The following GLIS3 variants were observed in gnomAD, a reference collection of about 807,000 sequenced individuals.
GLIS3 encodes zinc finger protein GLIS3.
Under a neutral mutation model 78.6 loss-of-function variants are expected in GLIS3, and 53 were observed. The ratio of observed to expected loss-of-function variants is 0.67; its 90% CI spans 0.54 to 0.85. The LOEUF (loss-of-function observed/expected upper bound fraction) is 0.85. Ranked by LOEUF, GLIS3 falls within the 40% of genes least tolerant of loss-of-function variation. The pLI, the probability that GLIS3 is intolerant of heterozygous loss-of-function variation, is 0.00. For synonymous variants in GLIS3, 684 were observed against 509.9 expected (o/e 1.34, Z -4.60); for missense variants, 1,703 against 1,231.1 (o/e 1.38, Z -5.74).
At chr9:3,980,681 A>C (rs965661236) in intron 4 of GLIS3, among the ~76,000 whole-genome samples, 14 of 152,170 alleles carry the variant, frequency 9.2e-5, no homozygotes, top group African/African-American at 3.1e-4. Flanking sequence ...ATTTCTTTTC[A>C]AAAAGTGCAG....
At chr9:3,917,659 G>A (rs1824611195) in intron 6 of GLIS3, among the ~76,000 whole-genome samples, 1 of 151,060 alleles carries the variant, frequency 6.6e-6, no homozygotes, top group Admixed American at 6.6e-5. Flanking sequence ...TCATCTATTG[G>A]TTTCAAGTTA....
chr9:4,394,146 G>C, the GLIS3 span, among the ~76,000 whole-genome samples: 1 of 150,480 alleles, frequency 6.6e-6, no homozygotes, highest in Non-Finnish European at 1.5e-5. Flanking sequence ...TGACCCCCTT[G>C]ATTGCTAACC....
At chr9:4,137,255 G>C (rs988582375) in intron 2 of GLIS3, among the ~76,000 whole-genome samples, 3 of 152,132 alleles carry the variant, frequency 2.0e-5, no homozygotes, top group African/African-American at 7.2e-5. Context: ...CCAATAAATA[G>C]GTCAAATCTG....
chr9:4,408,948 T>C, the GLIS3 span, among the ~76,000 whole-genome samples: 4 of 152,004 alleles, frequency 2.6e-5, no homozygotes, highest in East Asian at 3.9e-4. Context: ...ATATCTCATA[T>C]ACCCCACACA....
At chr9:4,337,913 A>G (rs1817776219) in intron 2 of GLIS3, among the ~76,000 whole-genome samples, 1 of 151,946 alleles carries the variant, frequency 6.6e-6, no homozygotes, top group South Asian at 2.1e-4. Context: ...AGATGAAAAT[A>G]TTTGCCCCAA....
chr9:3,869,396 G>A (rs758550160), intron 8 of GLIS3, among the ~76,000 whole-genome samples: 17 of 152,104 alleles, frequency 1.1e-4, no homozygotes, highest in African/African-American at 4.1e-4. Flanking sequence ...TTGTTCAGAC[G>A]CTACATATAC....
chr9:4,097,208 C>G (rs76472094), intron 4 of GLIS3, among the ~76,000 whole-genome samples: 2 of 152,006 alleles, frequency 1.3e-5, no homozygotes, highest in African/African-American at 4.8e-5. Context: ...CTGCCTGCCA[C>G]CAGAAGCCAC....
the GLIS3 span, among the ~76,000 whole-genome samples, chr9:4,417,590 C>T: frequency 5.9e-3 from 901 of 152,300 alleles, 5 homozygotes; most frequent in South Asian, 0.019. Flanking sequence ...CATTCCTATA[C>T]ATGCAATTTG....
chr9:4,389,165 C>T, the GLIS3 span, among the ~76,000 whole-genome samples: 2 of 152,180 alleles, frequency 1.3e-5, no homozygotes, highest in African/African-American at 4.8e-5. Context: ...AACCCTGTGA[C>T]ATAGGTATTA....
At chr9:4,191,359 T>C (rs1818319108) in intron 2 of GLIS3, among the ~76,000 whole-genome samples, 1 of 152,170 alleles carries the variant, frequency 6.6e-6, no homozygotes, top group Non-Finnish European at 1.5e-5. Context: ...TGAAATAAGA[T>C]TCCAGTTTCA....
At chr9:4,313,372 C>G (rs1056143029) in intron 2 of GLIS3, among the ~76,000 whole-genome samples, 1 of 152,204 alleles carries the variant, frequency 6.6e-6, no homozygotes, top group Admixed American at 6.5e-5. Context: ...ACCTCCCCCT[C>G]TCCATCTCAC....
chr9:4,053,502 T>C (rs1051931960), intron 4 of GLIS3, among the ~76,000 whole-genome samples: 1 of 152,058 alleles, frequency 6.6e-6, no homozygotes, highest in African/African-American at 2.4e-5. Flanking sequence ...CTTCTCTTCC[T>C]TTCTAGACTT....
the GLIS3 span, among the ~76,000 whole-genome samples, chr9:4,364,332 G>T: frequency 6.6e-6 from 1 of 152,194 alleles, no homozygotes; most frequent in Admixed American, 6.5e-5. Flanking sequence ...TCCTTCTTCA[G>T]AAACAGTGTA....
chr9:4,382,634 A>C, the GLIS3 span, among the ~76,000 whole-genome samples: 4 of 152,120 alleles, frequency 2.6e-5, no homozygotes, highest in Non-Finnish European at 4.4e-5. Flanking sequence ...ATCCTCAGAA[A>C]AATATAGATA....
At chr9:4,358,150 G>C in the GLIS3 span, among the ~76,000 whole-genome samples, 1 of 152,146 alleles carries the variant, frequency 6.6e-6, no homozygotes, top group Admixed American at 6.5e-5. Context: ...GTATATATGT[G>C]TATGTGTGTA....
chr9:4,040,615 G>A (rs1409635928), intron 4 of GLIS3, among the ~76,000 whole-genome samples: 1 of 152,058 alleles, frequency 6.6e-6, no homozygotes, highest in South Asian at 2.1e-4. Flanking sequence ...AAATCTGAAC[G>A]GGAACTCCCA....
At chr9:4,475,481 G>A in the GLIS3 span, among the ~76,000 whole-genome samples, 1 of 152,134 alleles carries the variant, frequency 6.6e-6, no homozygotes, top group Non-Finnish European at 1.5e-5. Flanking sequence ...GCAAAATACT[G>A]GAAACAAACC....
At chr9:4,322,864 C>G (rs1247467235) in intron 2 of GLIS3, among the ~76,000 whole-genome samples, 6 of 152,136 alleles carry the variant, frequency 3.9e-5, no homozygotes, top group African/African-American at 1.4e-4. Flanking sequence ...TGTAGGTTGC[C>G]TGTTCACTCT....
At chr9:4,248,809 T>C (rs1824065218) in intron 2 of GLIS3, among the ~76,000 whole-genome samples, 1 of 152,208 alleles carries the variant, frequency 6.6e-6, no homozygotes, top group Admixed American at 6.5e-5. Context: ...TATCTCACTG[T>C]GGTTTTGACT....
Sources: gnomAD v4.1 joint callset for allele counts (sites outside exome capture counted in the v4.1 genomes callset) on GRCh38, gnomAD v4.1.1 for gene constraint, MANE v1.5 for transcripts, NCBI Gene and HGNC (gene_info 2026-07-23, HGNC 2026-07-21) for gene names.